KCNH8: variants seen among roughly 807,000 people sequenced by gnomAD.
KCNH8 encodes the protein voltage-gated delayed rectifier potassium channel KCNH8.
KCNH8 carries 70 observed loss-of-function variants against 103.6 expected under a neutral mutation model. The ratio of observed to expected loss-of-function variants is 0.68; its 90% confidence interval spans 0.56 to 0.82. KCNH8 has a LOEUF of 0.82. Ranked by LOEUF, KCNH8 falls within the 40% of genes least tolerant of loss-of-function variation. KCNH8 has a pLI of 0.00. For synonymous variants in KCNH8, 498 were observed against 489.4 expected (o/e 1.02, Z -0.23); for missense variants, 1,217 against 1,329.9 (o/e 0.92, Z 1.32).
intron 5 of KCNH8, among the ~76,000 whole-genome samples, chr3:19,362,222 A>G (rs2065956443): frequency 6.6e-6 from 1 of 152,180 alleles, no homozygotes; most frequent in Non-Finnish European, 1.5e-5. Context: ...CCATACACAC[A>G]GGAGTCTTCA....
intron 5 of KCNH8, among the ~76,000 whole-genome samples, chr3:19,383,478 T>G (rs1008287576): frequency 2.6e-5 from 4 of 152,062 alleles, no homozygotes; most frequent in Non-Finnish European, 5.9e-5. Context: ...TCCAAGCGAT[T>G]CTTCTGCCTC....
chr3:19,266,732 A>G (rs943074681), intron 2 of KCNH8, among the ~76,000 whole-genome samples: 1 of 152,106 alleles, frequency 6.6e-6, no homozygotes, highest in African/African-American at 2.4e-5. Context: ...CCATGTTAGA[A>G]TAGCCTTGAG....
At chr3:19,361,351 C>T (rs139964739) in intron 5 of KCNH8, among the ~76,000 whole-genome samples, 2 of 152,184 alleles carry the variant, frequency 1.3e-5, no homozygotes, top group East Asian at 3.9e-4. Flanking sequence ...AAAGGGCTAT[C>T]ACATTGGGTA....
intron 11 of KCNH8, among the ~76,000 whole-genome samples, chr3:19,497,173 C>T (rs940615177): frequency 3.3e-5 from 5 of 151,820 alleles, no homozygotes; most frequent in African/African-American, 7.3e-5. Context: ...AATGGTCTGT[C>T]GTATTAATTT....
intron 5 of KCNH8, among the ~76,000 whole-genome samples, chr3:19,352,395 T>G (rs1225851407): frequency 6.6e-6 from 1 of 152,136 alleles, no homozygotes; most frequent in African/African-American, 2.4e-5. Flanking sequence ...AATAGACATC[T>G]ACAGAACTCT....
intron 1 of KCNH8, among the ~76,000 whole-genome samples, chr3:19,182,825 C>T (rs576611107): frequency 2.0e-4 from 30 of 152,102 alleles, no homozygotes; most frequent in Non-Finnish European, 4.1e-4. Flanking sequence ...GAATGGTCGG[C>T]CAACACACAA....
chr3:19,203,994 T>C (rs2063688563), intron 1 of KCNH8, among the ~76,000 whole-genome samples: 1 of 152,140 alleles, frequency 6.6e-6, no homozygotes. Flanking sequence ...TGAGAATAGG[T>C]ATTGAATAGT....
In KCNH8 at chr3:19,441,080, C is replaced by T. The variant is rs147438322; in HGVS notation, c.1375+2719C>T. On this transcript the variant is annotated intron_variant, in intron 8 of 15. Transcript: ENST00000328405. Reference sequence around the variant, plus strand: ...TGCCTGCTCTGGTGTGCATGCTGTTCCCTCAGTGGAGGCGGGCACCTCAGC... The same window carrying T: ...TGCCTGCTCTGGTGTGCATGCTGTTTCCTCAGTGGAGGCGGGCACCTCAGC... 2.4e-3 allele frequency among the ~76,000 whole-genome samples: 358 copies of T among 152,202 alleles called. 1 individual carries two copies. The highest frequency in any genetic ancestry group is 6.8e-3 in the Middle Eastern group (2 of 294).
At chr3:19,395,634 G>A (rs1184258939) in intron 7 of KCNH8, among the ~76,000 whole-genome samples, 2 of 151,962 alleles carry the variant, frequency 1.3e-5, no homozygotes, top group African/African-American at 4.8e-5. Flanking sequence ...GCTAGTAATA[G>A]TAAATCACTG....
At chr3:19,486,881 C>T (rs955629072) in intron 11 of KCNH8, among the ~76,000 whole-genome samples, 4 of 152,278 alleles carry the variant, frequency 2.6e-5, no homozygotes, top group East Asian at 1.9e-4. Context: ...CTCCAGGCTG[C>T]GCTCCCCTTT....
At chr3:19,530,844 G>A (rs1401013226) in intron 15 of KCNH8, among the ~76,000 whole-genome samples, 1 of 152,088 alleles carries the variant, frequency 6.6e-6, no homozygotes, top group Non-Finnish European at 1.5e-5. Flanking sequence ...CTAAATTCTA[G>A]ACTGAAGACT....
At chr3:19,482,102 G>A (rs1282579372) in intron 11 of KCNH8, among the ~76,000 whole-genome samples, 1 of 152,170 alleles carries the variant, frequency 6.6e-6, no homozygotes, top group Non-Finnish European at 1.5e-5. Context: ...GATTGAGCAA[G>A]CAAGCAGGCA....
intron 1 of KCNH8, among the ~76,000 whole-genome samples, chr3:19,161,056 G>C (rs1004390427): frequency 3.3e-5 from 5 of 152,094 alleles, no homozygotes; most frequent in Non-Finnish European, 7.4e-5. Flanking sequence ...TCCACAGTAT[G>C]AATAAACCTA....
chr3:19,333,188 A>C (rs1452343253), intron 3 of KCNH8, among the ~76,000 whole-genome samples: 1 of 151,888 alleles, frequency 6.6e-6, no homozygotes, highest in Non-Finnish European at 1.5e-5. Context: ...CTTATTTTCT[A>C]ATTGGATTGT....
At position 19,281,294 on chromosome 3, in the gene KCNH8, C is replaced by A. The variant is rs369496399; in HGVS notation, c.407C>A (p.Thr136Lys). 11 of 1,608,504 alleles carry A rather than the reference C, an allele frequency of 6.8e-6. No homozygotes were observed. The highest frequency in any genetic ancestry group is 5.4e-5 in the African/African-American group (4 of 74,526). The stretch of plus-strand genomic sequence containing the variant: ...GCCTCGTTCAAAGATATAACAGATA[C>A]AAAAGTGAAGATTACTCCAGAAGAT... ...FLASFKDITD[T>K]KVKITPEDKK... Residue 136 changes from threonine (T) to lysine (K), a missense_variant, in exon 3 of 16, where the codon ACA becomes AAA. Physicochemically the swap from Thr to Lys is moderately conservative, Grantham distance 78. Around this residue, in one of 3 missense-constraint regions of KCNH8, gnomAD observed 244 missense variants for 256.8 expected, o/e 0.95. Transcript: ENST00000328405.
chr3:19,480,555 T>G (rs185090281), intron 11 of KCNH8, among the ~76,000 whole-genome samples: 114 of 152,266 alleles, frequency 7.5e-4, no homozygotes, highest in Non-Finnish European at 1.4e-3. Context: ...ATAGCCAAAG[T>G]CAGGTATGAG....
chr3:19,315,497 A>G (rs1181087543), intron 3 of KCNH8, among the ~76,000 whole-genome samples: 1 of 151,970 alleles, frequency 6.6e-6, no homozygotes, highest in East Asian at 1.9e-4. Flanking sequence ...GCACCTAGGT[A>G]CTTCCTGCTA....
intron 1 of KCNH8, among the ~76,000 whole-genome samples, chr3:19,159,267 T>C (rs2063210897): frequency 6.6e-6 from 1 of 151,722 alleles, no homozygotes; most frequent in African/African-American, 2.4e-5. Context: ...CCTCCACTAA[T>C]AGGACTTTTA....
chr3:19,222,788 GA>G (rs1559429453), intron 1 of KCNH8, among the ~76,000 whole-genome samples: 2 of 152,096 alleles, frequency 1.3e-5, no homozygotes, highest in Non-Finnish European at 2.9e-5. Context: ...TTCATTTCAG[GA>G]TATTTTTTAG....
Sources: allele counts gnomAD v4.1 joint callset (sites outside exome capture counted in the v4.1 genomes callset), GRCh38; gene constraint gnomAD v4.1.1; regional missense constraint gnomAD v4.1.1; transcripts MANE v1.5; gene names NCBI Gene and HGNC (gene_info 2026-07-23, HGNC 2026-07-21).